ZBTB1: variants seen among roughly 807,000 people sequenced by gnomAD.
ZBTB1 encodes zinc finger and BTB domain containing 1.
A neutral mutation model predicts 51.6 loss-of-function variants in ZBTB1; 13 were observed. The observed-to-expected ratio is 0.25, with a 90% CI of 0.16 to 0.40. The LOEUF (loss-of-function observed/expected upper bound fraction) is 0.40, where lower values mean the gene tolerates loss of function less well. Among genes scored for constraint, ZBTB1 ranks in the 10% least tolerant of loss-of-function variants. The probability of loss-of-function intolerance (pLI) is 1.00; values close to 1 mark genes in which losing one functional copy is unlikely to be tolerated. For missense variants in ZBTB1, 567 were observed against 856.5 expected (o/e 0.66, Z 4.22); for synonymous variants, 240 against 282.2 (o/e 0.85, Z 1.50).
rs2079878842 is a variant in ZBTB1 at position 64,523,426 on chromosome 14, A to G, written c.1922A>G (p.Gln641Arg). 1 of 1,614,090 alleles carries G rather than the reference A, an allele frequency of 6.2e-7. No individual in the cohort carries two copies. Among genetic ancestry groups the G allele is most frequent in the Non-Finnish European group, 8.5e-7 (1 of 1,180,016 alleles). The change falls in exon 2 of 2, where the codon CAA becomes CGA. Residue 641 changes from glutamine (Q) to arginine (R), a missense_variant. Transcript: ENST00000683701. The surrounding 1 kb of genome is among the most constrained non-coding windows in gnomAD (Gnocchi z 4.5). Reference protein sequence around the residue: ...MARYVCSICDQGNFRKHDHVR... With the variant: ...MARYVCSICDRGNFRKHDHVR... ...AGGTATGTCTGTTCCATTTGTGATC[A>G]AGGAAACTTCAGAAAACATGACCAT...
chr14:64,525,066 C>A, downstream of ZBTB1: 1 of 394,070 alleles, frequency 2.5e-6, no homozygotes, highest in Non-Finnish European at 3.5e-6. Context: ...AATAGCATTG[C>A]TCTTTTTGTT....
chr14:64,505,527 T>C (rs1198244985), intron 1 of ZBTB1, among the ~76,000 whole-genome samples: 1 of 152,230 alleles, frequency 6.6e-6, no homozygotes, highest in Non-Finnish European at 1.5e-5. Flanking sequence ...GATCTGTTTC[T>C]TGGGAAGGGA....
chr14:64,510,011 C>T (rs1175516960), intron 1 of ZBTB1, among the ~76,000 whole-genome samples: 4 of 151,510 alleles, frequency 2.6e-5, no homozygotes, highest in African/African-American at 7.3e-5. Flanking sequence ...AGGATCTGCT[C>T]AAAGAAGGAA....
downstream of ZBTB1, among the ~76,000 whole-genome samples, chr14:64,525,976 C>G (rs960062487): frequency 6.6e-6 from 1 of 152,036 alleles, no homozygotes; most frequent in Non-Finnish European, 1.5e-5. Context: ...CATGCCACCA[C>G]GCCCGGCTAA....
intron 1 of ZBTB1, among the ~76,000 whole-genome samples, chr14:64,510,693 C>T (rs193302423): frequency 2.6e-5 from 4 of 152,218 alleles, no homozygotes; most frequent in African/African-American, 4.8e-5. Context: ...ACATGTAAGA[C>T]TAGATGGGTG....
In ZBTB1 at chr14:64,504,842, G is replaced by A. The variant is rs1192797911; in HGVS notation, c.-123G>A. 1 of 395,228 alleles carries A rather than the reference G, an allele frequency of 2.5e-6. No homozygotes were observed. The highest frequency in any genetic ancestry group is 4.5e-6 in the Non-Finnish European group (1 of 224,032). The allele number at this position is 395,228 out of a possible 1,614,324, so 24.5% of individuals were successfully genotyped here. ...GCCCGAGCGCCGAGCGCCGCGCGCC[G>A]CCGCCACTGCAGCTCGCGGCCCCTT... On this transcript the variant is annotated 5_prime_UTR_variant, in exon 1 of 2. Coordinates refer to ENST00000683701, the MANE Select transcript of ZBTB1 (RefSeq NM_001123329.2).
intron 1 of ZBTB1, among the ~76,000 whole-genome samples, chr14:64,508,145 A>C (rs2079686745): frequency 6.6e-6 from 1 of 152,252 alleles, no homozygotes; most frequent in Non-Finnish European, 1.5e-5. Flanking sequence ...AAAATAGTAC[A>C]TAGAAAGTTA....
chr14:64,522,022 G>T lies in ZBTB1; in HGVS notation c.518G>T (p.Arg173Ile). 6.2e-7 allele frequency: 1 copy of T among 1,614,226 alleles called. No individual in the cohort carries two copies. Among genetic ancestry groups the T allele is most frequent in the South Asian group, 1.1e-5 (1 of 91,084 alleles). Reference protein sequence around the residue: ...PSSTVNTPHNREADEESLQLG... With the variant: ...PSSTVNTPHNIEADEESLQLG... The stretch of plus-strand genomic sequence containing the variant: ...TCAACGGTAAATACACCACATAATA[G>T]AGAGGCTGATGAAGAGTCTTTACAA... Residue 173 changes from arginine (R) to isoleucine (I), a missense_variant, in exon 2 of 2, where the codon AGA (arginine) becomes ATA (isoleucine). Around this residue, in one of 5 missense-constraint regions of ZBTB1, gnomAD observed 74 missense variants for 74.9 expected, o/e 0.99. Coordinates refer to ENST00000683701, the MANE Select transcript of ZBTB1 (RefSeq NM_001123329.2).
upstream of ZBTB1, chr14:64,504,715 G>T (rs1244927572): frequency 1.1e-5 from 4 of 371,552 alleles, no homozygotes; most frequent in Non-Finnish European, 1.9e-5. Flanking sequence ...CCGCGTAAGC[G>T]GGGCCGGCTC....
At chr14:64,505,826 C>A (rs1455217765) in intron 1 of ZBTB1, among the ~76,000 whole-genome samples, 1 of 152,172 alleles carries the variant, frequency 6.6e-6, no homozygotes, top group African/African-American at 2.4e-5. Flanking sequence ...GCAGTGCACG[C>A]AGATTCTTCA....
At position 64,510,554 on chromosome 14, in the gene ZBTB1, G is replaced by A. The variant is rs74056444; in HGVS notation, c.-19+5608G>A. On this transcript the variant is annotated intron_variant, in intron 1 of 1. Transcript: ENST00000683701. ...GAGGTTCAGACCCAAAGAACCAATC[G>A]GCATGAGTAAAACTGCAGGGGAAGT... 8.1e-3 allele frequency among the ~76,000 whole-genome samples: 1,233 copies of A among 152,220 alleles called. 15 individuals are homozygous for A. Among genetic ancestry groups the A allele is most frequent in the African/African-American group, 0.026 (1,099 of 41,524 alleles).
At chr14:64,505,854 C>T (rs1435651542) in intron 1 of ZBTB1, among the ~76,000 whole-genome samples, 1 of 152,132 alleles carries the variant, frequency 6.6e-6, no homozygotes, top group African/African-American at 2.4e-5. Context: ...TAGTGTATTT[C>T]CATACGGTAT....
chr14:64,518,814 C>T (rs2079824385), intron 1 of ZBTB1, among the ~76,000 whole-genome samples: 1 of 149,828 alleles, frequency 6.7e-6, no homozygotes, highest in Non-Finnish European at 1.5e-5. Flanking sequence ...CTCCTTTCTT[C>T]CTTATCCAAA....
At chr14:64,516,322 C>T (rs1466645442) in intron 1 of ZBTB1, among the ~76,000 whole-genome samples, 1 of 152,182 alleles carries the variant, frequency 6.6e-6, no homozygotes, top group African/African-American at 2.4e-5. Context: ...GACAGAGTTT[C>T]TGGTACTAAT....
intron 1 of ZBTB1, among the ~76,000 whole-genome samples, chr14:64,507,587 CAT>C (rs1209215201): frequency 6.6e-6 from 1 of 152,146 alleles, no homozygotes; most frequent in Non-Finnish European, 1.5e-5. Flanking sequence ...TTCATGGACT[CAT>C]GTTCTCTGTT....
At chr14:64,527,832 C>T (rs1596705553), downstream of ZBTB1, among the ~76,000 whole-genome samples, 1 of 151,922 alleles carries the variant, frequency 6.6e-6, no homozygotes, top group Admixed American at 6.6e-5. Flanking sequence ...AATATATGAA[C>T]AGGATATAAA....
chr14:64,517,777 A>ATTTTTT (rs1566632884), intron 1 of ZBTB1, among the ~76,000 whole-genome samples: 1 of 43,030 alleles, frequency 2.3e-5, no homozygotes, highest in African/African-American at 8.3e-5. Flanking sequence ...ATATATATAT[A>ATTTTTT]TATATTTTTT....
Position 64,523,387 on chromosome 14 carries a change from A to C in ZBTB1, c.1883A>C (p.His628Pro). The C allele has an allele frequency of 6.2e-7, 1 of 1,614,230 alleles. No individual in the cohort carries two copies. The highest frequency in any genetic ancestry group is 8.5e-7 in the Non-Finnish European group (1 of 1,180,024). ...CAGTTGCGACTGCACAATGATATGC[A>C]CAAAGGCATGGCCAGGTATGTCTGT... ...ERQLRLHNDMHKGMARYVCSI... is the reference protein window; with the variant it reads ...ERQLRLHNDMPKGMARYVCSI... The change falls in exon 2 of 2, where the codon CAC (histidine) becomes CCC (proline). Residue 628 changes from histidine (H) to proline (P), a missense_variant. His to Pro is a moderately conservative substitution (Grantham distance 77). Coordinates refer to ENST00000683701, the MANE Select transcript of ZBTB1 (RefSeq NM_001123329.2). The surrounding 1 kb of genome is among the most constrained non-coding windows in gnomAD (Gnocchi z 4.5).
At chr14:64,505,502 A>G (rs113044684) in intron 1 of ZBTB1, among the ~76,000 whole-genome samples, 3,783 of 152,324 alleles carry the variant, frequency 0.025, 53 homozygotes, top group Middle Eastern at 0.054. Context: ...GAGTTTGGGA[A>G]TTTTAAGTGG....
Sources: allele counts gnomAD v4.1 joint callset (sites outside exome capture counted in the v4.1 genomes callset), GRCh38; gene constraint gnomAD v4.1.1; regional missense constraint gnomAD v4.1.1; non-coding constraint Gnocchi (gnomAD v3.1); transcripts MANE v1.5; gene names NCBI Gene and HGNC (gene_info 2026-07-23, HGNC 2026-07-21).